Variants in MAP3K5 observed in about 807,000 individuals in gnomAD.
MAP3K5 encodes mitogen-activated protein kinase kinase kinase 5, also known as ASK-1.
A neutral mutation model predicts 158.7 loss-of-function variants in MAP3K5; 56 were observed. That is an observed-to-expected ratio of 0.35 (90% CI 0.28 to 0.44). MAP3K5 has a LOEUF of 0.44. MAP3K5 is among the 20% of genes least tolerant of loss of function. MAP3K5 has a pLI of 1.00. For synonymous variants in MAP3K5, 579 were observed against 601.7 expected (o/e 0.96, Z 0.55); for missense variants, 1,294 against 1,674.8 (o/e 0.77, Z 3.97).
intron 1 of MAP3K5, among the ~76,000 whole-genome samples, chr6:136,773,655 G>A (rs1484588324): frequency 6.6e-6 from 1 of 151,976 alleles, no homozygotes; most frequent in African/African-American, 2.4e-5. Flanking sequence ...TTGGTTCGTT[G>A]GTTGTTTTCT....
chr6:136,663,302 C>T (rs925237975), intron 8 of MAP3K5, among the ~76,000 whole-genome samples: 4 of 152,220 alleles, frequency 2.6e-5, no homozygotes, highest in African/African-American at 9.6e-5. Context: ...ATATTTTCAA[C>T]AATCGTTAAC....
intron 11 of MAP3K5, among the ~76,000 whole-genome samples, chr6:136,644,894 G>A (rs1054702652): frequency 1.1e-4 from 16 of 152,170 alleles, no homozygotes; most frequent in African/African-American, 3.9e-4. Flanking sequence ...AGAGTACGCA[G>A]AGAAGCCAGA....
intron 11 of MAP3K5, among the ~76,000 whole-genome samples, chr6:136,644,890 C>T (rs563965741): frequency 6.6e-5 from 10 of 152,230 alleles, no homozygotes; most frequent in South Asian, 4.1e-4. Context: ...ACCAAGAGTA[C>T]GCAGAGAAGC....
At chr6:136,678,676 T>C (rs926522868) in intron 7 of MAP3K5, among the ~76,000 whole-genome samples, 2 of 152,098 alleles carry the variant, frequency 1.3e-5, no homozygotes, top group Non-Finnish European at 2.9e-5. Flanking sequence ...TCCACTCCTG[T>C]TGATTTTTTT....
intron 5 of MAP3K5, among the ~76,000 whole-genome samples, chr6:136,696,512 A>G (rs1780606311): frequency 6.6e-6 from 1 of 152,180 alleles, no homozygotes; most frequent in South Asian, 2.1e-4. Context: ...ACAGGATCCT[A>G]TGTGCCACAG....
intron 14 of MAP3K5, among the ~76,000 whole-genome samples, chr6:136,626,692 C>T (rs1425552186): frequency 6.6e-6 from 1 of 152,008 alleles, no homozygotes; most frequent in Admixed American, 6.6e-5. Context: ...TCAACTTTGC[C>T]GATGTGCCCT....
chr6:136,679,477 T>C (rs1362156897), intron 7 of MAP3K5, among the ~76,000 whole-genome samples: 2 of 152,176 alleles, frequency 1.3e-5, no homozygotes, highest in Non-Finnish European at 2.9e-5. Flanking sequence ...TTAACACTCA[T>C]AAAATAACTC....
intron 28 of MAP3K5, among the ~76,000 whole-genome samples, chr6:136,560,732 G>A (rs76690430): frequency 0.022 from 3,364 of 151,970 alleles, 67 homozygotes; most frequent in East Asian, 0.073. Flanking sequence ...AGAATCGCTT[G>A]GGGCCAGGAG....
chr6:136,747,459 C>A (rs1387917110), intron 1 of MAP3K5, among the ~76,000 whole-genome samples: 1 of 152,156 alleles, frequency 6.6e-6, no homozygotes, highest in East Asian at 1.9e-4. Flanking sequence ...TGGGGCGAAA[C>A]AAACTATAAC....
At chr6:136,642,920 C>T (rs1216423983) in intron 11 of MAP3K5, among the ~76,000 whole-genome samples, 2 of 152,140 alleles carry the variant, frequency 1.3e-5, no homozygotes, top group African/African-American at 4.8e-5. Flanking sequence ...TTGAGAAATA[C>T]TTCTTTTCCG....
At chr6:136,700,057 G>A (rs1034970638) in intron 3 of MAP3K5, among the ~76,000 whole-genome samples, 5 of 152,190 alleles carry the variant, frequency 3.3e-5, no homozygotes, top group African/African-American at 1.2e-4. Flanking sequence ...CTGGGTGACA[G>A]AGCGAGACTC....
At chr6:136,566,654 G>A (rs1320683086) in intron 26 of MAP3K5, among the ~76,000 whole-genome samples, 1 of 152,192 alleles carries the variant, frequency 6.6e-6, no homozygotes, top group Non-Finnish European at 1.5e-5. Flanking sequence ...GAAAGTCAGA[G>A]AGGCAATCTC....
At chr6:136,588,943 G>A (rs1429442303) in intron 23 of MAP3K5, among the ~76,000 whole-genome samples, 2 of 152,208 alleles carry the variant, frequency 1.3e-5, no homozygotes, top group African/African-American at 4.8e-5. Context: ...AGGTTTTTGA[G>A]AGTGTGTAGA....
chr6:136,705,788 C>T (rs1435951796), intron 2 of MAP3K5, among the ~76,000 whole-genome samples: 2 of 152,118 alleles, frequency 1.3e-5, no homozygotes, highest in Non-Finnish European at 2.9e-5. Context: ...GAGGTTAAAA[C>T]GAGTTTGCTT....
chr6:136,769,414 G>T (rs971105305), intron 1 of MAP3K5, among the ~76,000 whole-genome samples: 11 of 152,006 alleles, frequency 7.2e-5, no homozygotes, highest in Non-Finnish European at 1.3e-4. Context: ...AAATGTTTTG[G>T]AATTAGATAT....
chr6:136,770,671 T>C (rs542190992), intron 1 of MAP3K5, among the ~76,000 whole-genome samples: 1 of 152,296 alleles, frequency 6.6e-6, no homozygotes, highest in South Asian at 2.1e-4. Flanking sequence ...GCAGAAGGAT[T>C]GCCTGAGCCC....
intron 1 of MAP3K5, among the ~76,000 whole-genome samples, chr6:136,778,711 G>A (rs1463177704): frequency 1.3e-5 from 2 of 152,236 alleles, no homozygotes; most frequent in South Asian, 2.1e-4. Context: ...AATAGATTCC[G>A]GAATCTGACA....
At chr6:136,641,565 A>G (rs1777936077) in intron 12 of MAP3K5, among the ~76,000 whole-genome samples, 1 of 152,000 alleles carries the variant, frequency 6.6e-6, no homozygotes, top group South Asian at 2.1e-4. Flanking sequence ...AGCTACTGGC[A>G]TTGTGACAGC....
At chr6:136,792,898 C>A (rs1413380812), upstream of MAP3K5, among the ~76,000 whole-genome samples, 1 of 152,136 alleles carries the variant, frequency 6.6e-6, no homozygotes, top group Admixed American at 6.5e-5. This position sits in a 1 kb window ranked among gnomAD's most constrained non-coding sequence, Gnocchi z 5.7. Flanking sequence ...TCAGGGCCAG[C>A]CCCCAAGGAG....
Sources: allele counts gnomAD v4.1 joint callset (sites outside exome capture counted in the v4.1 genomes callset), GRCh38; gene constraint gnomAD v4.1.1; non-coding constraint Gnocchi (gnomAD v3.1); transcripts MANE v1.5; gene names NCBI Gene and HGNC (gene_info 2026-07-23, HGNC 2026-07-21).